The following XPO5 variants were observed in gnomAD, a reference collection of about 807,000 sequenced individuals.
XPO5 encodes the protein exportin 5.
XPO5 carries 46 observed loss-of-function variants against 160.6 expected under a neutral mutation model. That is an observed-to-expected ratio of 0.29 (90% confidence interval 0.23 to 0.37). XPO5 has a LOEUF of 0.37. Ranked by LOEUF, XPO5 falls within the 10% of genes least tolerant of loss-of-function variation. XPO5 has a pLI of 1.00. For synonymous variants in XPO5, 537 were observed against 519.3 expected (o/e 1.03, Z -0.46); for missense variants, 1,090 against 1,463.9 (o/e 0.74, Z 4.17).
At position 43,525,865 on chromosome 6, in the gene XPO5, G is replaced by A. The variant is rs755561888; in HGVS notation, c.3040C>T (p.Leu1014=). ...TCATGCTTCATCAGACATTTGCCCAGGTCTGTAAGCTCTGCCATAGCTGAG... is the reference window on the plus strand; with the variant it reads ...TCATGCTTCATCAGACATTTGCCCAAGTCTGTAAGCTCTGCCATAGCTGAG... The part of the protein sequence containing the change: ...TPSAMAELTD[L]GKCLMKHEDV... Residue 1014 remains leucine, a synonymous_variant, in exon 28 of 32, where the codon CTG becomes TTG. Coordinates refer to ENST00000265351, the MANE Select transcript of XPO5 (RefSeq NM_020750.3). 2 of 1,614,014 alleles carry A rather than the reference G, an allele frequency of 1.2e-6. No homozygotes were observed. Among genetic ancestry groups the A allele is most frequent in the Non-Finnish European group, 1.7e-6 (2 of 1,179,888 alleles).
Position 43,524,846 on chromosome 6 carries a change from C to A in XPO5, c.3297G>T (p.Gln1099His). The change falls in exon 30 of 32, where the codon CAG becomes CAT. Residue 1099 changes from glutamine to histidine, a missense_variant. This residue lies in a region of XPO5 where 810 missense variants were observed against 1,139.0 expected (regional missense o/e 0.71). Transcript: ENST00000265351. Reference sequence around the variant, plus strand: ...CCCCACTCACCAGTGCCTCGTATATCTGGAAGGCCAGATGGACCAGGGAAG... The same window carrying A: ...CCCCACTCACCAGTGCCTCGTATATATGGAAGGCCAGATGGACCAGGGAAG... ...CMASLVHLAF[Q>H]IYEALRPRYL... 1 of 1,613,302 alleles carries A rather than the reference C, an allele frequency of 6.2e-7. No individual in the cohort carries two copies. Among genetic ancestry groups the A allele is most frequent in the Non-Finnish European group, 8.5e-7 (1 of 1,179,744 alleles).
At chr6:43,547,319 G>A (rs1417097680) in intron 19 of XPO5, 7 of 472,368 alleles carry the variant, frequency 1.5e-5, no homozygotes, top group Non-Finnish European at 2.7e-5. Flanking sequence ...GACTCACCCT[G>A]CTGACCAAGT....
chr6:43,538,528 T>C (rs894080078), intron 20 of XPO5, among the ~76,000 whole-genome samples: 1 of 152,172 alleles, frequency 6.6e-6, no homozygotes, highest in African/African-American at 2.4e-5. Context: ...CATTCGGTGA[T>C]ATTTGAATAC....
chr6:43,575,430 G>T (rs1763259192), intron 1 of XPO5, among the ~76,000 whole-genome samples: 3 of 152,184 alleles, frequency 2.0e-5, no homozygotes, highest in South Asian at 4.1e-4. Flanking sequence ...GGGATGTCGG[G>T]CTTGGGGAAT....
chr6:43,573,678 C>G, intron 1 of XPO5, 77 bp from the exon 2 acceptor site: 1 of 1,503,324 alleles, frequency 6.7e-7, no homozygotes, highest in Non-Finnish European at 8.9e-7. Flanking sequence ...TTAAGAAACT[C>G]CAACCAGGGC....
chr6:43,558,017 C>T (rs1338827125), intron 12 of XPO5, among the ~76,000 whole-genome samples: 1 of 151,482 alleles, frequency 6.6e-6, no homozygotes, highest in Non-Finnish European at 1.5e-5. Flanking sequence ...ATCGCTTGAA[C>T]CCAGAAGGCA....
At chr6:43,553,919 T>C (rs1330992522) in intron 13 of XPO5, among the ~76,000 whole-genome samples, 1 of 152,150 alleles carries the variant, frequency 6.6e-6, no homozygotes, top group Non-Finnish European at 1.5e-5. Flanking sequence ...ATAATTAAAA[T>C]TGAGACCATA....
At chr6:43,558,931 A>G (rs1413611834) in intron 11 of XPO5, 1 of 200,038 alleles carries the variant, frequency 5.0e-6, no homozygotes, top group East Asian at 1.3e-4. Context: ...TCAAATACTG[A>G]ACACTGAGAA....
intron 1 of XPO5, among the ~76,000 whole-genome samples, 185 bp from the exon 2 acceptor site, chr6:43,573,786 G>A (rs966242584): frequency 1.0e-4 from 15 of 148,372 alleles, no homozygotes; most frequent in South Asian, 2.1e-4. Flanking sequence ...GCAACATGGC[G>A]AAACCCCATC....
chr6:43,570,438 G>T, intron 5 of XPO5, 64 bp downstream of exon 5: 1 of 1,481,866 alleles, frequency 6.7e-7, no homozygotes. Flanking sequence ...GTTCCTTACT[G>T]TAAGATTAAT....
At chr6:43,568,786 A>C (rs1211359665) in intron 5 of XPO5, 49 bp from the exon 6 acceptor site, 18 of 1,490,784 alleles carry the variant, frequency 1.2e-5, no homozygotes, top group Admixed American at 2.1e-5. Context: ...AAAAGGCCAC[A>C]TAATAACTTT....
At chr6:43,575,601 A>T (rs1381824202) in intron 1 of XPO5, among the ~76,000 whole-genome samples, 159 bp downstream of exon 1, 1 of 152,146 alleles carries the variant, frequency 6.6e-6, no homozygotes, top group African/African-American at 2.4e-5. Context: ...GCGATTTGGG[A>T]GAGGCGCGGA....
rs942229238 is a variant in XPO5, at chr6:43,553,702, G to C, written c.1442-199C>G. 8.3e-6 allele frequency: 10 copies of C among 1,200,334 alleles called. No individual in the cohort carries two copies. In the African/African-American group the frequency reaches 1.5e-4, roughly 18 times the overall value. The allele number at this position is 1,200,334 out of a possible 1,614,324, so 74.4% of individuals were successfully genotyped here. On this transcript the variant is annotated intron_variant, in intron 13 of 31. Coordinates refer to ENST00000265351, the MANE Select transcript of XPO5 (RefSeq NM_020750.3). ...GTGTGCTGAAAGCAATGAGGTAGGT[G>C]AAGGTTCCTACCATGCCTCCTCCTC...
At chr6:43,524,100 C>T in intron 31 of XPO5, 95 bp from the exon 32 acceptor site, 1 of 1,512,410 alleles carries the variant, frequency 6.6e-7, no homozygotes, top group South Asian at 1.2e-5. Context: ...CCTGTAATCC[C>T]AACACTTTTG....
intron 24 of XPO5, 147 bp downstream of exon 24, chr6:43,528,681 G>A (rs1367317595): frequency 1.4e-6 from 1 of 737,024 alleles, no homozygotes. Flanking sequence ...CCTACAGCAA[G>A]GATAGTCAGC....
intron 11 of XPO5, among the ~76,000 whole-genome samples, chr6:43,559,723 A>G (rs558222803): frequency 6.6e-6 from 1 of 152,376 alleles, no homozygotes; most frequent in African/African-American, 2.4e-5. Flanking sequence ...TATAATAACC[A>G]GTAAGGACTG....
At chr6:43,539,238 T>G in intron 20 of XPO5, 1 of 1,301,636 alleles carries the variant, frequency 7.7e-7, no homozygotes. Flanking sequence ...TTGGCCAGGA[T>G]GATGGCCCCA....
Position 43,524,782 on chromosome 6 carries a change from C to G in XPO5, c.3312+49G>C, listed in dbSNP as rs1271258687. 2.5e-6 allele frequency: 4 copies of G among 1,607,186 alleles called. No homozygotes were observed. The South Asian group carries it at 4.4e-5, about 18-fold the overall frequency. On this transcript the variant is annotated intron_variant, in intron 30 of 31. Transcript: ENST00000265351. Reference sequence around the variant, plus strand: ...TAAGGCCCAAGAGACTAGGAGCAGACTGAGTGATGAAGCTGCAGCCATCCT... The same window carrying G: ...TAAGGCCCAAGAGACTAGGAGCAGAGTGAGTGATGAAGCTGCAGCCATCCT...
In XPO5 at chr6:43,561,010, G is replaced by A. The variant is rs1762386230; in HGVS notation, c.1012-3C>T. The A allele has an allele frequency of 6.2e-7, 1 of 1,612,056 alleles. No homozygotes were observed. The highest frequency in any genetic ancestry group is 1.7e-5 in the Admixed American group (1 of 60,008). ...GTTTCTACATCAGAATCTGCACCCT[G>A]TAGGAGAAGACCACTATATTAACGG... On this transcript the variant is annotated splice_polypyrimidine_tract_variant and splice_region_variant and intron_variant, in intron 9 of 31. Transcript: ENST00000265351.
Sources: allele counts gnomAD v4.1 joint callset (sites outside exome capture counted in the v4.1 genomes callset), GRCh38; gene constraint gnomAD v4.1.1; regional missense constraint gnomAD v4.1.1; transcripts MANE v1.5; gene names NCBI Gene and HGNC (gene_info 2026-07-23, HGNC 2026-07-21).